The following PLCL1 variants were observed in gnomAD, a reference collection of about 807,000 sequenced individuals.
The protein encoded by PLCL1 is inactive phospholipase C-like protein 1.
A neutral mutation model predicts 84.4 loss-of-function variants in PLCL1; 41 were observed. The ratio of observed to expected loss-of-function variants is 0.49; its 90% confidence interval spans 0.38 to 0.63. PLCL1 has a LOEUF of 0.63. Ranked by LOEUF, PLCL1 falls within the 30% of genes least tolerant of loss-of-function variation. PLCL1 has a pLI of 0.00. For synonymous variants in PLCL1, 490 were observed against 488.3 expected (o/e 1.00, Z -0.05); for missense variants, 1,206 against 1,367.8 (o/e 0.88, Z 1.87).
intron 1 of PLCL1, among the ~76,000 whole-genome samples, chr2:197,934,297 A>G (rs1383483377): frequency 3.3e-5 from 5 of 152,146 alleles, no homozygotes; most frequent in Non-Finnish European, 5.9e-5. Context: ...TGGGGATGAT[A>G]TATAATATGA....
intron 1 of PLCL1, among the ~76,000 whole-genome samples, chr2:197,925,723 A>G (rs1179556997): frequency 2.0e-5 from 3 of 151,944 alleles, no homozygotes; most frequent in African/African-American, 4.8e-5. Flanking sequence ...TTCTCCATGC[A>G]CTCACTAACA....
chr2:197,918,971 T>TCTCTCTCTCTCTCTCACA (rs373512508), intron 1 of PLCL1, among the ~76,000 whole-genome samples: 11 of 144,652 alleles, frequency 7.6e-5, no homozygotes, highest in East Asian at 4.2e-4. Context: ...TCTCTCTCCC[T>TCTCTCTCTCTCTCTCACA]CACACACACA....
chr2:198,067,203 A>T (rs376969282), intron 1 of PLCL1, among the ~76,000 whole-genome samples: 1 of 143,204 alleles, frequency 7.0e-6, no homozygotes, highest in Non-Finnish European at 1.5e-5. Flanking sequence ...ATCTCGGCTC[A>T]CTGCAACCTC....
At chr2:198,004,969 A>G (rs935164450) in intron 1 of PLCL1, among the ~76,000 whole-genome samples, 1 of 152,234 alleles carries the variant, frequency 6.6e-6, no homozygotes, top group Admixed American at 6.5e-5. Context: ...GCTGCTGCAG[A>G]ACATGAAAGG....
intron 1 of PLCL1, among the ~76,000 whole-genome samples, chr2:197,843,280 C>A (rs41475150): frequency 6.6e-6 from 1 of 152,118 alleles, no homozygotes; most frequent in African/African-American, 2.4e-5. Context: ...CATTGCCCAG[C>A]GTTTGCCACA....
chr2:198,093,746 T>C (rs1381587983), intron 3 of PLCL1, among the ~76,000 whole-genome samples: 5 of 152,180 alleles, frequency 3.3e-5, no homozygotes, highest in Admixed American at 3.3e-4. Context: ...AAATCTTTCC[T>C]GAACAGATAC....
rs1687164511 is a variant in PLCL1, at chr2:197,848,601, A to C, written c.240+43262A>C. 4.6e-5 allele frequency among the ~76,000 whole-genome samples: 7 copies of C among 152,208 alleles called. No individual in the cohort carries two copies. In the South Asian group the frequency reaches 1.4e-3, roughly 32 times the overall value. On this transcript the variant is annotated intron_variant, in intron 1 of 5. Coordinates refer to ENST00000428675, the MANE Select transcript of PLCL1 (RefSeq NM_006226.4). ...GGAAAACATTGTGAACAAAAGAAGGAGTCAAAAAATAAACAAAACATTTTG... is the reference window on the plus strand; with the variant it reads ...GGAAAACATTGTGAACAAAAGAAGGCGTCAAAAAATAAACAAAACATTTTG...
At chr2:197,947,599 G>C (rs1026823792) in intron 1 of PLCL1, among the ~76,000 whole-genome samples, 1 of 152,184 alleles carries the variant, frequency 6.6e-6, no homozygotes, top group African/African-American at 2.4e-5. Flanking sequence ...AAGTAGAGAA[G>C]CTGTTTGTGG....
intron 1 of PLCL1, among the ~76,000 whole-genome samples, chr2:198,006,831 G>T (rs1455374698): frequency 6.6e-6 from 1 of 152,158 alleles, no homozygotes; most frequent in Non-Finnish European, 1.5e-5. Flanking sequence ...AATGATTGTT[G>T]ATCTGCCTTC....
intron 1 of PLCL1, among the ~76,000 whole-genome samples, chr2:197,819,087 G>T (rs1690752605): frequency 6.6e-6 from 1 of 152,104 alleles, no homozygotes; most frequent in Non-Finnish European, 1.5e-5. Flanking sequence ...GAGAACCAGT[G>T]GTCAGTTCAG....
intron 1 of PLCL1, among the ~76,000 whole-genome samples, chr2:197,984,618 C>T (rs779455654): frequency 5.9e-5 from 9 of 152,074 alleles, no homozygotes; most frequent in Non-Finnish European, 1.0e-4. Flanking sequence ...GTCCATAATA[C>T]CAACTTGTTA....
At chr2:198,135,163 T>C (rs1195134391) in intron 5 of PLCL1, among the ~76,000 whole-genome samples, 1 of 152,208 alleles carries the variant, frequency 6.6e-6, no homozygotes. Context: ...GAGATTTCTA[T>C]AGAAGCTCCT....
chr2:197,945,920 A>G (rs1224400094), intron 1 of PLCL1, among the ~76,000 whole-genome samples: 2 of 152,158 alleles, frequency 1.3e-5, no homozygotes, highest in Non-Finnish European at 2.9e-5. Flanking sequence ...ATATGTACAC[A>G]CATTTTTATT....
intron 5 of PLCL1, among the ~76,000 whole-genome samples, chr2:198,119,247 A>G (rs1338213117): frequency 6.6e-6 from 1 of 151,986 alleles, no homozygotes; most frequent in Non-Finnish European, 1.5e-5. Flanking sequence ...AATTCATTTA[A>G]TCTTCTGAAA....
chr2:198,047,424 C>T (rs556429177), intron 1 of PLCL1, among the ~76,000 whole-genome samples: 8 of 152,188 alleles, frequency 5.3e-5, no homozygotes, highest in South Asian at 4.1e-4. Context: ...TCTTGTGACC[C>T]GCCCACCTTG....
At chr2:198,001,492 T>G (rs1690599672) in intron 1 of PLCL1, among the ~76,000 whole-genome samples, 1 of 152,158 alleles carries the variant, frequency 6.6e-6, no homozygotes, top group South Asian at 2.1e-4. Flanking sequence ...TCAAAGATAA[T>G]TATCCTAACT....
chr2:197,845,539 G>A (rs1687103228), intron 1 of PLCL1, among the ~76,000 whole-genome samples: 1 of 152,090 alleles, frequency 6.6e-6, no homozygotes, highest in African/African-American at 2.4e-5. Flanking sequence ...GACGTGGTCA[G>A]CCTTTTCTTG....
intron 1 of PLCL1, among the ~76,000 whole-genome samples, chr2:197,925,314 A>G (rs780814840): frequency 3.9e-5 from 6 of 152,146 alleles, no homozygotes; most frequent in Admixed American, 6.6e-5. Flanking sequence ...GGTTGGTTAA[A>G]AAAAATCAGT....
chr2:197,908,002 C>T (rs545504627), intron 1 of PLCL1, among the ~76,000 whole-genome samples: 128 of 152,210 alleles, frequency 8.4e-4, no homozygotes, highest in African/African-American at 2.6e-3. Context: ...TATCATCTGA[C>T]GTGAGTGATA....
Sources: allele counts gnomAD v4.1 joint callset (sites outside exome capture counted in the v4.1 genomes callset), GRCh38; gene constraint gnomAD v4.1.1; transcripts MANE v1.5; gene names NCBI Gene and HGNC (gene_info 2026-07-23, HGNC 2026-07-21).